Variants in CD63 observed in about 807,000 individuals in gnomAD.
The protein encoded by CD63 is CD63 molecule.
CD63 carries 16 observed loss-of-function variants against 29.2 expected under a neutral mutation model. That is an observed-to-expected ratio of 0.55 (90% CI 0.37 to 0.83). The LOEUF (loss-of-function observed/expected upper bound fraction) is 0.83. Among genes scored for constraint, CD63 ranks in the 40% least tolerant of loss-of-function variants. CD63 has a pLI of 0.00. For synonymous variants in CD63, 118 were observed against 111.7 expected (o/e 1.06, Z -0.36); for missense variants, 251 against 297.3 (o/e 0.84, Z 1.15).
intron 2 of CD63, chr12:55,727,785 C>T: frequency 1.9e-6 from 2 of 1,030,766 alleles, no homozygotes; most frequent in Non-Finnish European, 2.3e-6. Context: ...GTGATGTGTC[C>T]CTCCCTAGAC....
chr12:55,727,760 GA>G, intron 2 of CD63: 1 of 1,032,166 alleles, frequency 9.7e-7, no homozygotes, highest in Non-Finnish European at 1.2e-6. Context: ...AAGGGAAGAG[GA>G]AAAGGGAGCA....
downstream of CD63, chr12:55,724,270 A>T: frequency 6.3e-7 from 1 of 1,598,886 alleles, no homozygotes; most frequent in Non-Finnish European, 8.6e-7. Flanking sequence ...AGTACCTAAG[A>T]TGGGCTGGAG....
chr12:55,723,787 C>G (rs1877044198), downstream of CD63: 1 of 1,395,074 alleles, frequency 7.2e-7, no homozygotes, highest in Non-Finnish European at 1.0e-6. Context: ...ACTCTTGTCC[C>G]TGGTCTGTGG....
chr12:55,724,417 C>A (rs1334112677), downstream of CD63: 3 of 1,614,166 alleles, frequency 1.9e-6, no homozygotes, highest in Admixed American at 1.7e-5. Context: ...TGCTCGACAC[C>A]CCCGAACCCG....
In CD63 at chr12:55,726,914, A is replaced by G. The variant is rs963772710; in HGVS notation, c.306T>C (p.Ile102=). ...LIMLVEVAAA[I]AGYVFRDKVM... ...CCTTATCTCTAAACACATAGCCAGC[A>G]ATGGCTGCGGCCACCTCCACCAACA... is the stretch of plus-strand genomic sequence containing the variant. The change falls in exon 4 of 8, where the codon ATT becomes ATC. Residue 102 remains isoleucine, a synonymous_variant. Transcript: ENST00000257857. 3 of 1,614,122 alleles carry G rather than the reference A, an allele frequency of 1.9e-6. No individual in the cohort carries two copies. Among genetic ancestry groups the G allele is most frequent in the Non-Finnish European group, 2.5e-6 (3 of 1,180,002 alleles).
Position 55,726,473 on chromosome 12 carries a change from T to A in CD63, c.427-212A>T, listed in dbSNP as rs1877375557. On this transcript the variant is annotated intron_variant, in intron 5 of 7. Coordinates refer to ENST00000257857, the MANE Select transcript of CD63 (RefSeq NM_001780.6). ...GATTCTCCTGCCTCACCCTCCTGAG[T>A]AGGTGGGATTACAGGCACTCACCAC... 4.8e-6 allele frequency: 3 copies of A among 622,168 alleles called. No individual in the cohort carries two copies. The East Asian group carries it at 8.4e-5, about 17-fold the overall frequency. 38.5% of individuals were successfully genotyped at this position (622,168 alleles called of 1,614,324 possible). A position where few individuals can be genotyped will look rare whatever the true frequency, so the allele number is the denominator to read the frequency against.
intron 5 of CD63, 143 bp from the exon 6 acceptor site, chr12:55,726,404 G>A: frequency 1.3e-6 from 1 of 789,662 alleles, no homozygotes; most frequent in South Asian, 1.9e-5. Context: ...CCCAGCGGTG[G>A]CTCAATCTCG....
Position 55,728,703 on chromosome 12 carries a change from C to T in CD63, c.-12+250G>A. ...CAGCCTGGAGAAACGGTCTTCAGCCCAACCCCGACCCCCGCCCCAGCCCCT... is the reference window on the plus strand; with the variant it reads ...CAGCCTGGAGAAACGGTCTTCAGCCTAACCCCGACCCCCGCCCCAGCCCCT... On this transcript the variant is annotated intron_variant, in intron 1 of 7. Transcript: ENST00000257857. This position sits in a 1 kb window ranked among gnomAD's most constrained non-coding sequence, Gnocchi z 4.8. The T allele has an allele frequency of 1.8e-6, 2 of 1,099,798 alleles. No individual in the cohort carries two copies. The highest frequency in any genetic ancestry group is 2.2e-6 in the Non-Finnish European group (2 of 899,898). The allele number at this position is 1,099,798 out of a possible 1,614,324, so 68.1% of individuals were successfully genotyped here. A position where few individuals can be genotyped will look rare whatever the true frequency, so the allele number is the denominator to read the frequency against.
chr12:55,725,960 T>G, intron 6 of CD63, 64 bp from the exon 7 acceptor site: 2 of 1,085,468 alleles, frequency 1.8e-6, no homozygotes, highest in Admixed American at 2.2e-5. Flanking sequence ...ACCCCCTCCC[T>G]TGGTCCATCA....
At chr12:55,727,449 G>A in intron 2 of CD63, 110 bp from the exon 3 acceptor site, 1 of 1,258,974 alleles carries the variant, frequency 7.9e-7, no homozygotes, top group South Asian at 1.5e-5. Flanking sequence ...CCGGAAGAGA[G>A]ATTCTCACAC....
downstream of CD63, chr12:55,724,411 C>T (rs762740262): frequency 3.7e-6 from 6 of 1,614,190 alleles, no homozygotes; most frequent in Admixed American, 1.7e-5. Flanking sequence ...CCTGACTGCT[C>T]GACACCCCCG....
downstream of CD63, chr12:55,724,551 G>C (rs757488950): frequency 5.6e-6 from 9 of 1,608,304 alleles, no homozygotes; most frequent in African/African-American, 6.7e-5. Flanking sequence ...ACTGAATCCA[G>C]CCTTCCAGCA....
intron 2 of CD63, chr12:55,727,718 ACTAAGGTTCCT>A (rs986368743): frequency 1.9e-6 from 2 of 1,042,516 alleles, no homozygotes; most frequent in African/African-American, 3.4e-5. Context: ...ATCAGCTGTG[ACTAAGGTTCCT>A]CTGGCCAGTT....
chr12:55,728,302 G>T lies in CD63; in HGVS notation c.40C>A (p.Leu14Ile). 1 of 1,611,528 alleles carries T rather than the reference G, an allele frequency of 6.2e-7. No homozygotes were observed. Among genetic ancestry groups the T allele is most frequent in the Non-Finnish European group, 8.5e-7 (1 of 1,179,288 alleles). ...CAAAAGGCCAGCAGGAGGACGTAGA[G>T]CAAGAACTTCACACATTTCATTCCT... is the stretch of plus-strand genomic sequence containing the variant. ...EGGMKCVKFLLYVLLLAFCAC... is the reference protein window; with the variant it reads ...EGGMKCVKFLIYVLLLAFCAC... The change falls in exon 2 of 8, where the codon CTC becomes ATC. Residue 14 changes from leucine (L) to isoleucine (I), a missense_variant. Transcript: ENST00000257857. The surrounding 1 kb of genome is among the most constrained non-coding windows in gnomAD (Gnocchi z 4.8).
At chr12:55,724,790 C>T (rs1877129754), downstream of CD63, 2 of 573,882 alleles carry the variant, frequency 3.5e-6, no homozygotes, top group Non-Finnish European at 3.1e-6. Flanking sequence ...ACAGCTAGCA[C>T]CCACAGTGGG....
chr12:55,725,981 T>C, intron 6 of CD63, 85 bp from the exon 7 acceptor site: 2 of 1,099,446 alleles, frequency 1.8e-6, no homozygotes, highest in Middle Eastern at 2.2e-4. Context: ...GTCTCTTCCC[T>C]GCCCCTGTAC....
In CD63 at chr12:55,725,597, G is replaced by T. The variant is rs762113178; in HGVS notation, c.681C>A (p.Leu227=). ...CGTAGCCACTTCTGATACTCTTCAC[G>T]AGGCAGCAGGCAAAGACAATTCCCA... ...EVLGIVFACC[L]VKSIRSGYEV... The change falls in exon 8 of 8, where the codon CTC becomes CTA. Residue 227 remains leucine (L), a synonymous_variant. Coordinates refer to ENST00000257857, the MANE Select transcript of CD63 (RefSeq NM_001780.6). The T allele has an allele frequency of 3.1e-6, 5 of 1,613,920 alleles. No homozygotes were observed. The Admixed American group carries it at 8.3e-5, about 27-fold the overall frequency.
At position 55,726,899 on chromosome 12, in the gene CD63, A is replaced by C; in HGVS notation, c.321T>G (p.Phe107Leu). The C allele has an allele frequency of 6.2e-7, 1 of 1,614,014 alleles. No homozygotes were observed. The highest frequency in any genetic ancestry group is 1.6e-4 in the Middle Eastern group (1 of 6,062). The change falls in exon 4 of 8, where the codon TTT becomes TTG. Residue 107 changes from phenylalanine to leucine, a missense_variant. By Grantham distance (22) the Phe-to-Leu change is conservative. Coordinates refer to ENST00000257857, the MANE Select transcript of CD63 (RefSeq NM_001780.6). ...ATTATTCCCTGCTTACCTTATCTCT[A>C]AACACATAGCCAGCAATGGCTGCGG... ...EVAAAIAGYV[F>L]RDKVMSEFNN...
chr12:55,725,438 A>G lies in CD63; in HGVS notation c.*123T>C. 1 of 802,242 alleles carries G rather than the reference A, an allele frequency of 1.2e-6. No individual in the cohort carries two copies. Among genetic ancestry groups the G allele is most frequent in the Non-Finnish European group, 2.2e-6 (1 of 463,222 alleles). The allele number at this position is 802,242 out of a possible 1,614,324, so 49.7% of individuals were successfully genotyped here. A position where few individuals can be genotyped will look rare whatever the true frequency, so the allele number is the denominator to read the frequency against. On this transcript the variant is annotated 3_prime_UTR_variant, in exon 8 of 8. Coordinates refer to ENST00000257857, the MANE Select transcript of CD63 (RefSeq NM_001780.6). ...CATCAGTAAGGAAAGGAAGGAATCA[A>G]GCATCACTCTAAGACAAACTCAGAC...
Sources: allele counts gnomAD v4.1 joint callset, GRCh38; gene constraint gnomAD v4.1.1; non-coding constraint Gnocchi (gnomAD v3.1); transcripts MANE v1.5; gene names NCBI Gene and HGNC (gene_info 2026-07-23, HGNC 2026-07-21).